Variants in CDH13 observed in about 807,000 individuals in gnomAD.
CDH13 encodes cadherin-13.
CDH13 carries 24 observed loss-of-function variants against 63.8 expected under a neutral mutation model. The observed-to-expected ratio is 0.38, with a 90% CI of 0.27 to 0.53. The LOEUF (loss-of-function observed/expected upper bound fraction) is 0.53, where lower values mean the gene tolerates loss of function less well. Among genes scored for constraint, CDH13 ranks in the 20% least tolerant of loss-of-function variants. The pLI, the probability that CDH13 is intolerant of heterozygous loss-of-function variation, is 0.85. For missense variants in CDH13, 1,049 were observed against 903.1 expected, an observed-to-expected ratio of 1.16 and a Z score of -2.07; for synonymous variants, 503 against 355.3, an observed-to-expected ratio of 1.42 and a Z score of -4.67.
intron 2 of CDH13, among the ~76,000 whole-genome samples, chr16:83,001,529 G>A (rs565628736): frequency 6.6e-6 from 1 of 152,360 alleles, no homozygotes; most frequent in South Asian, 2.1e-4. Flanking sequence ...CAGCCAGGGA[G>A]CTGCCACTTT....
intron 4 of CDH13, among the ~76,000 whole-genome samples, chr16:83,136,175 A>T (rs949444114): frequency 4.7e-5 from 3 of 63,224 alleles, no homozygotes; most frequent in African/African-American, 1.0e-4. Flanking sequence ...TATAGAAATT[A>T]AAAAAAAAAA....
chr16:82,715,562 G>A (rs554348912), intron 1 of CDH13, among the ~76,000 whole-genome samples: 20 of 152,230 alleles, frequency 1.3e-4, no homozygotes, highest in African/African-American at 4.6e-4. Context: ...GAACTGGTGG[G>A]CTTTTCACCT....
At chr16:83,025,755 T>C (rs1197111185) in intron 2 of CDH13, among the ~76,000 whole-genome samples, 1 of 152,160 alleles carries the variant, frequency 6.6e-6, no homozygotes, top group Admixed American at 6.5e-5. Flanking sequence ...GTTGCTGGCA[T>C]GCCAGTCCCC....
intron 2 of CDH13, among the ~76,000 whole-genome samples, chr16:82,914,648 T>G (rs1298141320): frequency 3.9e-5 from 6 of 152,206 alleles, no homozygotes; most frequent in African/African-American, 1.2e-4. Flanking sequence ...CCTGCTTTCT[T>G]GAAGCTTGGT....
intron 5 of CDH13, among the ~76,000 whole-genome samples, chr16:83,234,111 C>A (rs913400640): frequency 3.3e-5 from 5 of 152,180 alleles, no homozygotes; most frequent in South Asian, 2.1e-4. Flanking sequence ...CTGGATGAAC[C>A]CCCAGGGGCA....
At chr16:83,092,919 C>G (rs147836204) in intron 3 of CDH13, among the ~76,000 whole-genome samples, 18 of 152,238 alleles carry the variant, frequency 1.2e-4, no homozygotes, top group Admixed American at 4.6e-4. Flanking sequence ...ATAAAGGTAA[C>G]GGTACTTTTG....
chr16:83,683,485 C>T (rs1915569371), intron 10 of CDH13, among the ~76,000 whole-genome samples: 1 of 152,160 alleles, frequency 6.6e-6, no homozygotes, highest in Non-Finnish European at 1.5e-5. Context: ...ATTATCCACC[C>T]TCAAACCTCA....
At chr16:83,058,786 T>C (rs2031218760) in intron 3 of CDH13, among the ~76,000 whole-genome samples, 1 of 152,224 alleles carries the variant, frequency 6.6e-6, no homozygotes, top group African/African-American at 2.4e-5. Context: ...ACGTGCAGTC[T>C]GAGAGAAAGA....
intron 1 of CDH13, among the ~76,000 whole-genome samples, chr16:82,809,890 T>C (rs1007677626): frequency 2.0e-5 from 3 of 152,062 alleles, no homozygotes; most frequent in African/African-American, 7.2e-5. Context: ...AAGATACATA[T>C]AAGGTGCCTG....
rs531232800 is a variant in CDH13, at chr16:83,510,797, C to G, written c.960+24142C>G. On this transcript the variant is annotated intron_variant, in intron 7 of 13. Coordinates refer to ENST00000567109, the MANE Select transcript of CDH13 (RefSeq NM_001257.5). Reference sequence around the variant, plus strand: ...ACATGATTAGTTTGAAAAAGTATGTCTTAAAGAAAAATAAATGCAGACAAC... The same window carrying G: ...ACATGATTAGTTTGAAAAAGTATGTGTTAAAGAAAAATAAATGCAGACAAC... Among the ~76,000 whole-genome samples the G allele has an allele frequency of 1.5e-4, 23 of 152,322 alleles. No homozygotes were observed. In the South Asian group the frequency reaches 2.5e-3, roughly 16 times the overall value.
At chr16:82,630,410 C>A (rs1907864775) in intron 1 of CDH13, among the ~76,000 whole-genome samples, 1 of 152,192 alleles carries the variant, frequency 6.6e-6, no homozygotes, top group South Asian at 2.1e-4. Flanking sequence ...TGTAATTCCA[C>A]AGTCTATACT....
At chr16:82,638,823 T>TGCGTGTGTGTGTGTGTGTGTGCGCGCGC (rs1555527483) in intron 1 of CDH13, among the ~76,000 whole-genome samples, 42 of 150,904 alleles carry the variant, frequency 2.8e-4, no homozygotes, top group African/African-American at 9.7e-4. Context: ...GGGCAGTGTG[T>TGCGTGTGTGTGTGTGTGTGTGCGCGCGC]GCGTGTGTGC....
chr16:83,241,886 T>C (rs900939418), intron 5 of CDH13, among the ~76,000 whole-genome samples: 3 of 152,256 alleles, frequency 2.0e-5, no homozygotes, highest in Non-Finnish European at 2.9e-5. Context: ...GTGCTTTTTG[T>C]GTCATATATA....
At chr16:82,935,679 T>C (rs184457168) in intron 2 of CDH13, among the ~76,000 whole-genome samples, 1 of 151,736 alleles carries the variant, frequency 6.6e-6, no homozygotes, top group African/African-American at 2.4e-5. Context: ...AGCAGGAGAG[T>C]CAGCAATAAC....
At chr16:83,436,679 A>C (rs2072315191) in intron 6 of CDH13, among the ~76,000 whole-genome samples, 1 of 152,340 alleles carries the variant, frequency 6.6e-6, no homozygotes, top group South Asian at 2.1e-4. Context: ...GTGCCAAGTA[A>C]TATGTTCCAT....
At chr16:82,706,288 C>A (rs558089825) in intron 1 of CDH13, among the ~76,000 whole-genome samples, 1 of 152,190 alleles carries the variant, frequency 6.6e-6, no homozygotes, top group South Asian at 2.1e-4. Context: ...ATGAGTAACA[C>A]AGGTGATAAA....
chr16:83,326,431 T>C (rs965807727), intron 5 of CDH13, among the ~76,000 whole-genome samples: 3 of 152,094 alleles, frequency 2.0e-5, no homozygotes, highest in Non-Finnish European at 4.4e-5. Flanking sequence ...GGTGCTTTTT[T>C]TTTTTTTTTT....
At chr16:83,561,014 T>C (rs1390169488) in intron 7 of CDH13, among the ~76,000 whole-genome samples, 2 of 152,152 alleles carry the variant, frequency 1.3e-5, no homozygotes, top group African/African-American at 2.4e-5. Context: ...CATGCTACAT[T>C]TTCTGGAGGT....
At chr16:83,684,177 G>A (rs1213899329) in intron 10 of CDH13, among the ~76,000 whole-genome samples, 2 of 152,138 alleles carry the variant, frequency 1.3e-5, no homozygotes, top group Non-Finnish European at 2.9e-5. Context: ...GACCAGCCTG[G>A]CCAACATGAC....
Sources: gnomAD v4.1 joint callset for allele counts (sites outside exome capture counted in the v4.1 genomes callset) on GRCh38, gnomAD v4.1.1 for gene constraint, MANE v1.5 for transcripts, NCBI Gene and HGNC (gene_info 2026-07-23, HGNC 2026-07-21) for gene names.